ZNF575: variants seen among roughly 807,000 people sequenced by gnomAD.
ZNF575 encodes zinc finger protein 575.
ZNF575 carries 17 observed loss-of-function variants against 17.5 expected under a neutral mutation model. The observed-to-expected ratio is 0.97, with a 90% confidence interval of 0.66 to 1.45. ZNF575 has a LOEUF of 1.45. ZNF575 is among the 40% of genes most tolerant of loss of function. ZNF575 has a pLI of 0.00. For missense variants in ZNF575, 352 were observed against 359.2 expected (o/e 0.98, Z 0.16); for synonymous variants, 146 against 158.3 (o/e 0.92, Z 0.58).
intron 2 of ZNF575, 24 bp from the exon 3 acceptor site, chr19:43,534,313 A>G (rs185305289): frequency 1.9e-6 from 2 of 1,072,526 alleles, no homozygotes; most frequent in South Asian, 1.4e-5. Context: ...CCTTGCTCCT[A>G]AACAGTGTGA....
At chr19:43,533,078 G>GCATGCACTGATTTC (rs1972362150), upstream of ZNF575, 1 of 152,350 alleles carries the variant, frequency 6.6e-6, no homozygotes, top group Admixed American at 6.5e-5. Flanking sequence ...AAAGACGGGT[G>GCATGCACTGATTTC]CATGCACTGA....
chr19:43,535,138 C>G lies in ZNF575; in HGVS notation c.189C>G (p.His63Gln), dbSNP rs1456152481. The G allele has an allele frequency of 1.3e-6, 2 of 1,572,218 alleles. No individual in the cohort carries two copies. Among genetic ancestry groups the G allele is most frequent in the Non-Finnish European group, 8.6e-7 (1 of 1,161,556 alleles). ...GGCGGCCCCCGCCCCAGCGCCCGCA[C>G]CGCTGCCCCGACTGTGACAAGGCCT... ...PRRRPPPQRPHRCPDCDKAFS... is the reference protein window; with the variant it reads ...PRRRPPPQRPQRCPDCDKAFS... The change falls in exon 4 of 4, where the codon CAC becomes CAG. Residue 63 changes from histidine to glutamine, a missense_variant. His to Gln is a conservative substitution (Grantham distance 24). Coordinates refer to ENST00000314228, the MANE Select transcript of ZNF575 (RefSeq NM_174945.3).
rs1270799074 is a variant in ZNF575, at chr19:43,534,319, T to G, written c.-86-18T>G. ...ACTTGCAGACCTTGCTCCTAAACAG[T>G]GTGATCCCTCATTTTAGGCCCTCCA... On this transcript the variant is annotated intron_variant, in intron 2 of 3. Transcript: ENST00000314228. 1 of 1,111,310 alleles carries G rather than the reference T, an allele frequency of 9.0e-7. No individual in the cohort carries two copies. The allele number at this position is 1,111,310 out of a possible 1,614,324, so 68.8% of individuals were successfully genotyped here. A position where few individuals can be genotyped will look rare whatever the true frequency, so the allele number is the denominator to read the frequency against.
chr19:43,535,690 C>CT lies in ZNF575; in HGVS notation c.*3_*4insT, dbSNP rs1474908498. On this transcript the variant is annotated 3_prime_UTR_variant, in exon 4 of 4. Transcript: ENST00000314228. ...AGCACAAGGGGGAGAGAGACTGAGC[C>CT]CTCCCTTGGCTCACTGTCCCCTTCT... The CT allele has an allele frequency of 6.3e-7, 1 of 1,596,144 alleles. No homozygotes were observed. The highest frequency in any genetic ancestry group is 1.3e-5 in the African/African-American group (1 of 74,518).
upstream of ZNF575, among the ~76,000 whole-genome samples, chr19:43,531,594 GA>G (rs1176669768): frequency 6.6e-6 from 1 of 152,008 alleles, no homozygotes; most frequent in Non-Finnish European, 1.5e-5. Context: ...AAAAAAGAGA[GA>G]GAGAGAGACC....
chr19:43,535,463 AC>A lies in ZNF575; in HGVS notation c.516del (p.Asp173ThrfsTer90). The A allele has an allele frequency of 6.8e-7, 1 of 1,464,672 alleles. No individual in the cohort carries two copies. The highest frequency in any genetic ancestry group is 9.2e-7 in the Non-Finnish European group (1 of 1,091,604). The allele number at this position is 1,464,672 out of a possible 1,614,324, so 90.7% of individuals were successfully genotyped here. A position where few individuals can be genotyped will look rare whatever the true frequency, so the allele number is the denominator to read the frequency against. ...GGCCCACCGCCACACGCACCACGCC[AC>A]CGACGCCCGCCCCTATCCTTGCCCG... ...LAAHRHTHHA[T>X]DARPYPCPHC... On this transcript the variant is annotated frameshift_variant, in exon 4 of 4. Coordinates refer to ENST00000314228, the MANE Select transcript of ZNF575 (RefSeq NM_174945.3). LOFTEE classifies it high-confidence loss of function.
chr19:43,532,448 C>T (rs1972356319), upstream of ZNF575, among the ~76,000 whole-genome samples: 1 of 152,174 alleles, frequency 6.6e-6, no homozygotes, highest in East Asian at 1.9e-4. Context: ...TAAACACTTT[C>T]CATTGATTAT....
At position 43,535,080 on chromosome 19, in the gene ZNF575, C is replaced by T; in HGVS notation, c.131C>T (p.Thr44Ile). 1.3e-6 allele frequency: 2 copies of T among 1,491,388 alleles called. No individual in the cohort carries two copies. Among genetic ancestry groups the T allele is most frequent in the Non-Finnish European group, 1.8e-6 (2 of 1,128,720 alleles). 92.4% of individuals were successfully genotyped at this position (1,491,388 alleles called of 1,614,324 possible). ...CCCAGCCAGTCAGCTCCAGGGCCCA[C>T]CGCGTCCGCGGGCTCGCCTCCCCGG... ...QKPSQSAPGP[T>I]ASAGSPPRPR... is the part of the protein sequence containing the mutation. Residue 44 changes from threonine (T) to isoleucine (I), a missense_variant, in exon 4 of 4, where the codon ACC becomes ATC. Coordinates refer to ENST00000314228, the MANE Select transcript of ZNF575 (RefSeq NM_174945.3).
Position 43,535,738 on chromosome 19 carries a change from A to C in ZNF575, c.*51A>C. The C allele has an allele frequency of 6.6e-7, 1 of 1,517,096 alleles. No homozygotes were observed. Among genetic ancestry groups the C allele is most frequent in the South Asian group, 1.2e-5 (1 of 82,536 alleles). 94.0% of individuals were successfully genotyped at this position (1,517,096 alleles called of 1,614,324 possible). A position where few individuals can be genotyped will look rare whatever the true frequency, so the allele number is the denominator to read the frequency against. ...TCTGCCGCCAGCCCTAGCCAGTAAG[A>C]GGTGGGATTTCTAAGACCGACTGTA... On this transcript the variant is annotated 3_prime_UTR_variant, in exon 4 of 4. Transcript: ENST00000314228.
At chr19:43,531,941 A>ATTTTTT, upstream of ZNF575, 6 of 173,038 alleles carry the variant, frequency 3.5e-5, no homozygotes, top group South Asian at 2.5e-4. Flanking sequence ...ATTAAGCCAG[A>ATTTTTT]CTTTTTTTTT....
At chr19:43,533,106 T>C (rs755946895), upstream of ZNF575, 1 of 152,258 alleles carries the variant, frequency 6.6e-6, no homozygotes, top group Non-Finnish European at 1.5e-5. Context: ...GCGCAGTTTG[T>C]CCATGTTAGT....
At chr19:43,534,955 A>G (rs1412394128) in intron 3 of ZNF575, 74 bp from the exon 4 acceptor site, 3 of 1,321,452 alleles carry the variant, frequency 2.3e-6, no homozygotes, top group Admixed American at 3.9e-5. Context: ...CGAATATCAA[A>G]GTCGTGGCGG....
chr19:43,531,193 A>G (rs1568505229), upstream of ZNF575, among the ~76,000 whole-genome samples: 1 of 151,864 alleles, frequency 6.6e-6, no homozygotes, highest in Non-Finnish European at 1.5e-5. Context: ...CAGGACGTTG[A>G]AGCAGGAGAA....
rs537649747 is a variant in ZNF575 at position 43,535,908 on chromosome 19, C to A, written c.*221C>A. On this transcript the variant is annotated 3_prime_UTR_variant, in exon 4 of 4. Transcript: ENST00000314228. ...CCATGGACGTGGAGCTGTGGTTTGACAGCGCTGGCTCTGCTTCTCCCCACA... is the reference window on the plus strand; with the variant it reads ...CCATGGACGTGGAGCTGTGGTTTGAAAGCGCTGGCTCTGCTTCTCCCCACA... 1.8e-4 allele frequency: 109 copies of A among 592,922 alleles called. No individual in the cohort carries two copies. The highest frequency in any genetic ancestry group is 2.9e-4 in the Non-Finnish European group (98 of 338,316). The allele number at this position is 592,922 out of a possible 1,614,324, so 36.7% of individuals were successfully genotyped here. A position where few individuals can be genotyped will look rare whatever the true frequency, so the allele number is the denominator to read the frequency against.
rs1568507694 is a variant in ZNF575, at chr19:43,535,548, A to G, written c.599A>G (p.Asp200Gly). 1 of 1,612,836 alleles carries G rather than the reference A, an allele frequency of 6.2e-7. No homozygotes were observed. Among genetic ancestry groups the G allele is most frequent in the East Asian group, 2.2e-5 (1 of 44,816 alleles). ...CTGGCCGCCCATCGCCTATGTCACG[A>G]CCCCCCAACCGCGCCCGGCAGCCAG... ...SKLAAHRLCH[D>G]PPTAPGSQAT... The change falls in exon 4 of 4, where the codon GAC (aspartate) becomes GGC (glycine). Residue 200 changes from aspartate (D) to glycine (G), a missense_variant. Transcript: ENST00000314228.
chr19:43,535,453 G>A lies in ZNF575; in HGVS notation c.504G>A (p.Thr168=), dbSNP rs1972405106. 3 of 1,426,452 alleles carry A rather than the reference G, an allele frequency of 2.1e-6. No individual in the cohort carries two copies. The highest frequency in any genetic ancestry group is 2.8e-6 in the Non-Finnish European group (3 of 1,066,134). 88.4% of individuals were successfully genotyped at this position (1,426,452 alleles called of 1,614,324 possible). ...YPSKLAAHRH[T]HHATDARPYP... is the part of the protein sequence containing the mutation. ...CCAAGCTGGCGGCCCACCGCCACAC[G>A]CACCACGCCACCGACGCCCGCCCCT... The change falls in exon 4 of 4, where the codon ACG becomes ACA. Residue 168 remains threonine (T), a synonymous_variant. Coordinates refer to ENST00000314228, the MANE Select transcript of ZNF575 (RefSeq NM_174945.3).
chr19:43,534,069 G>T, intron 2 of ZNF575, 167 bp downstream of exon 2: 1 of 351,602 alleles, frequency 2.8e-6, no homozygotes, highest in South Asian at 3.8e-5. Context: ...GGACTGCAGG[G>T]TCTGGTGGGG....
upstream of ZNF575, among the ~76,000 whole-genome samples, chr19:43,532,161 T>C (rs1429488088): frequency 6.7e-6 from 1 of 149,942 alleles, no homozygotes; most frequent in Non-Finnish European, 1.5e-5. Context: ...CCGGAGTAGC[T>C]GAGATTACAA....
At chr19:43,532,778 TG>T (rs571744469), upstream of ZNF575, among the ~76,000 whole-genome samples, 413 of 152,246 alleles carry the variant, frequency 2.7e-3, 1 homozygote, top group Non-Finnish European at 4.1e-3. Flanking sequence ...ACCAAGAGCA[TG>T]GGCCAGGGCA....
Sources: gnomAD v4.1 joint callset for allele counts (sites outside exome capture counted in the v4.1 genomes callset) on GRCh38, gnomAD v4.1.1 for gene constraint, MANE v1.5 for transcripts, NCBI Gene and HGNC (gene_info 2026-07-23, HGNC 2026-07-21) for gene names.